The following GPR158 variants were observed in gnomAD, a reference collection of about 807,000 sequenced individuals.
GPR158 encodes the protein G protein-coupled receptor 158.
A neutral mutation model predicts 78.2 loss-of-function variants in GPR158; 30 were observed. The ratio of observed to expected loss-of-function variants is 0.38; its 90% CI spans 0.29 to 0.52. The LOEUF is 0.52. Among genes scored for constraint, GPR158 ranks in the 20% least tolerant of loss-of-function variants. The probability of loss-of-function intolerance (pLI) is 0.83; values close to 1 mark genes in which losing one functional copy is unlikely to be tolerated. For missense variants in GPR158, 1,463 were observed against 1,523.5 expected (o/e 0.96, Z 0.66); for synonymous variants, 581 against 591.1 (o/e 0.98, Z 0.25).
At chr10:25,286,456 T>G (rs1854351765) in intron 2 of GPR158, among the ~76,000 whole-genome samples, 1 of 152,190 alleles carries the variant, frequency 6.6e-6, no homozygotes, top group Admixed American at 6.6e-5. Context: ...TTTTATCTTT[T>G]TACTGAAATT....
Position 25,175,484 on chromosome 10 carries a change from G to A in GPR158, c.64G>A (p.Val22Ile). The A allele has an allele frequency of 3.1e-6, 5 of 1,611,022 alleles. No homozygotes were observed. The Middle Eastern group carries it at 8.3e-4, about 268-fold the overall frequency. ...LLLAQLGLGA[V>I]GASRDPQGRP... ...GCTTGCTCAGCTGGGATTGGGAGCT[G>A]TTGGCGCCAGCCGCGACCCCCAAGG... Residue 22 changes from valine (V) to isoleucine (I), a missense_variant, in exon 1 of 11, where the codon GTT becomes ATT. By Grantham distance (29) the Val-to-Ile change is conservative. Transcript: ENST00000376351. This position sits in a 1 kb window ranked among gnomAD's most constrained non-coding sequence, Gnocchi z 6.4.
intron 6 of GPR158, among the ~76,000 whole-genome samples, chr10:25,568,280 G>A (rs2130728193): frequency 6.6e-6 from 1 of 152,302 alleles, no homozygotes; most frequent in Admixed American, 6.5e-5. Context: ...AGCCGTTGGA[G>A]TTTCTTGGGT....
intron 2 of GPR158, among the ~76,000 whole-genome samples, chr10:25,389,032 GC>G (rs1482841911): frequency 1.3e-5 from 2 of 152,258 alleles, no homozygotes; most frequent in African/African-American, 4.8e-5. Context: ...CCCAGTGGGT[GC>G]TGAGGGAAGC....
chr10:25,561,773 A>G (rs912456822), intron 6 of GPR158, among the ~76,000 whole-genome samples: 2 of 152,198 alleles, frequency 1.3e-5, no homozygotes, highest in African/African-American at 4.8e-5. Context: ...ATTTGAGGGA[A>G]TCAACCATGA....
intron 4 of GPR158, among the ~76,000 whole-genome samples, chr10:25,422,031 A>C (rs1266431109): frequency 1.3e-5 from 2 of 152,120 alleles, no homozygotes; most frequent in Non-Finnish European, 2.9e-5. Context: ...TCTCATTATG[A>C]ATTGTCTGTA....
intron 1 of GPR158, among the ~76,000 whole-genome samples, chr10:25,219,938 G>A (rs947434480): frequency 5.3e-5 from 8 of 152,038 alleles, no homozygotes; most frequent in South Asian, 4.2e-4. Flanking sequence ...GGTTTTTGTC[G>A]GTTTTATACT....
chr10:25,430,355 TAA>T (rs1248979341), intron 4 of GPR158, among the ~76,000 whole-genome samples: 3 of 150,258 alleles, frequency 2.0e-5, no homozygotes, highest in Non-Finnish European at 4.5e-5. Flanking sequence ...CTCAATGAAA[TAA>T]AAGAGGATAC....
chr10:25,247,552 G>A (rs1315790327), intron 2 of GPR158, among the ~76,000 whole-genome samples: 4 of 120,634 alleles, frequency 3.3e-5, no homozygotes, highest in Admixed American at 1.9e-4. Context: ...ACCTATGAGT[G>A]AGAATATGCG....
intron 4 of GPR158, among the ~76,000 whole-genome samples, chr10:25,458,510 A>G (rs1285524377): frequency 6.6e-6 from 1 of 152,212 alleles, no homozygotes; most frequent in Non-Finnish European, 1.5e-5. Flanking sequence ...GGCACTGATC[A>G]GCCGAGTGAG....
intron 2 of GPR158, among the ~76,000 whole-genome samples, chr10:25,358,054 C>A (rs1855577117): frequency 6.6e-6 from 1 of 152,072 alleles, no homozygotes; most frequent in Non-Finnish European, 1.5e-5. Context: ...CATTATGGAA[C>A]TTTAAGATTT....
intron 2 of GPR158, among the ~76,000 whole-genome samples, chr10:25,345,754 C>T (rs1449318775): frequency 6.6e-6 from 1 of 151,824 alleles, no homozygotes; most frequent in African/African-American, 2.4e-5. Flanking sequence ...TAAGGGCTTT[C>T]CTTATTTTAT....
At chr10:25,374,169 T>C (rs1834043220) in intron 2 of GPR158, among the ~76,000 whole-genome samples, 1 of 151,670 alleles carries the variant, frequency 6.6e-6, no homozygotes, top group Non-Finnish European at 1.5e-5. Flanking sequence ...TGCCACTCTA[T>C]TTCTTAGATT....
At chr10:25,524,276 A>C (rs1341781163) in intron 5 of GPR158, among the ~76,000 whole-genome samples, 1 of 152,168 alleles carries the variant, frequency 6.6e-6, no homozygotes, top group African/African-American at 2.4e-5. Flanking sequence ...TTTTTGTTAA[A>C]ATTTCCAAGC....
chr10:25,342,908 G>T (rs1218879981), intron 2 of GPR158, among the ~76,000 whole-genome samples: 1 of 151,778 alleles, frequency 6.6e-6, no homozygotes, highest in Non-Finnish European at 1.5e-5. Flanking sequence ...ACTGTCAGCA[G>T]ATGGGGAGTG....
Position 25,531,283 on chromosome 10 carries a change from C to G in GPR158, c.1405-19693C>G, listed in dbSNP as rs899547727. Among the ~76,000 whole-genome samples, 3 of 152,146 alleles carry G rather than the reference C, an allele frequency of 2.0e-5. No individual in the cohort carries two copies. The East Asian group carries it at 5.8e-4, about 29-fold the overall frequency. Reference sequence around the variant, plus strand: ...TGTCCTGGGCAAGTTACTTATCGTCCTAAGTATCTCAAGTCAGGAAAAGAG... The same window carrying G: ...TGTCCTGGGCAAGTTACTTATCGTCGTAAGTATCTCAAGTCAGGAAAAGAG... On this transcript the variant is annotated intron_variant, in intron 5 of 10. Coordinates refer to ENST00000376351, the MANE Select transcript of GPR158 (RefSeq NM_020752.3).
At chr10:25,361,224 A>G (rs1161700778) in intron 2 of GPR158, among the ~76,000 whole-genome samples, 1 of 151,928 alleles carries the variant, frequency 6.6e-6, no homozygotes, top group East Asian at 1.9e-4. Flanking sequence ...ACATAGCATA[A>G]TGTCCTCAAT....
At chr10:25,529,111 A>G (rs774519919) in intron 5 of GPR158, among the ~76,000 whole-genome samples, 2 of 152,190 alleles carry the variant, frequency 1.3e-5, no homozygotes, top group Non-Finnish European at 2.9e-5. Context: ...GCATACGGCC[A>G]GGCATGGTGG....
At chr10:25,281,518 C>T (rs1442839767) in intron 2 of GPR158, among the ~76,000 whole-genome samples, 1 of 151,944 alleles carries the variant, frequency 6.6e-6, no homozygotes, top group Non-Finnish European at 1.5e-5. Flanking sequence ...GTCAAGGCTG[C>T]AGTGAGCCAA....
At chr10:25,337,618 G>A (rs1055160036) in intron 2 of GPR158, among the ~76,000 whole-genome samples, 4 of 151,920 alleles carry the variant, frequency 2.6e-5, no homozygotes, top group African/African-American at 9.7e-5. Flanking sequence ...GTCTTTGATT[G>A]TATACATATT....
Sources: allele counts gnomAD v4.1 joint callset (sites outside exome capture counted in the v4.1 genomes callset), GRCh38; gene constraint gnomAD v4.1.1; non-coding constraint Gnocchi (gnomAD v3.1); transcripts MANE v1.5; gene names NCBI Gene and HGNC (gene_info 2026-07-23, HGNC 2026-07-21).